The following GNAS-AS1 variants were observed in gnomAD, a reference collection of about 807,000 sequenced individuals.
The protein encoded by GNAS-AS1 is GNAS antisense RNA 1 (non-protein coding).
chr20:58,823,785 G>T (rs531325963), intron 4 of GNAS-AS1, among the ~76,000 whole-genome samples: 1 of 152,226 alleles, frequency 6.6e-6, no homozygotes, highest in African/African-American at 2.4e-5. Context: ...CTTGGGAGTC[G>T]TGAAAGGGGG....
chr20:58,840,180 G>A lies in GNAS-AS1; in HGVS notation n.819+1757C>T. 6.2e-7 allele frequency: 1 copy of A among 1,611,468 alleles called. No individual in the cohort carries two copies. ...TACAACGACCTGTGCCCGCCCATAG[G>A]CCGCCGGGCAGCCACCGCGCTCCTC... On this transcript the variant is annotated intron_variant and non_coding_transcript_variant, in intron 4 of 4. Transcript: ENST00000424094. The surrounding 1 kb of genome is among the most constrained non-coding windows in gnomAD (Gnocchi z 6.0).
At position 58,841,796 on chromosome 20, in the gene GNAS-AS1, T is replaced by C. The variant is rs1312039682; in HGVS notation, n.819+141A>G. The C allele has an allele frequency of 2.4e-6, 3 of 1,230,784 alleles. No homozygotes were observed. The highest frequency in any genetic ancestry group is 2.0e-6 in the Non-Finnish European group (2 of 987,886). 76.2% of individuals were successfully genotyped at this position (1,230,784 alleles called of 1,614,324 possible). ...GGCGCAGCTGGTCGGGTGGCCAGGC[T>C]GCATGCGGCTTAGCAGGAGACGTCC... On this transcript the variant is annotated intron_variant and non_coding_transcript_variant, in intron 4 of 4. Transcript: ENST00000424094. This position sits in a 1 kb window ranked among gnomAD's most constrained non-coding sequence, Gnocchi z 5.0.
exon 4 of GNAS-AS1, chr20:58,842,015 C>G: frequency 1.2e-6 from 1 of 817,654 alleles, no homozygotes. Flanking sequence ...GACGATCAGT[C>G]GTCGAAAAGG....
intron 4 of GNAS-AS1, among the ~76,000 whole-genome samples, chr20:58,827,239 C>T (rs1017448217): frequency 6.6e-6 from 1 of 152,140 alleles, no homozygotes; most frequent in African/African-American, 2.4e-5. Context: ...CTCAGAAACC[C>T]AGCCCCACAA....
chr20:58,833,208 G>A (rs1364058248), intron 4 of GNAS-AS1, among the ~76,000 whole-genome samples: 1 of 152,184 alleles, frequency 6.6e-6, no homozygotes, highest in Admixed American at 6.5e-5. Flanking sequence ...AACCAAATCT[G>A]CCATTTGGAA....
intron 2 of GNAS-AS1, among the ~76,000 whole-genome samples, chr20:58,846,643 CAAAGACCGGCAGCCAGCA>C (rs1380162611): frequency 6.6e-6 from 1 of 152,204 alleles, no homozygotes; most frequent in East Asian, 1.9e-4. Flanking sequence ...GGGCACAGGC[CAAAGACCGGCAGCCAGCA>C]GAAGACCACG....
intron 4 of GNAS-AS1, among the ~76,000 whole-genome samples, chr20:58,837,211 TTC>T (rs2085609506): frequency 6.6e-6 from 1 of 152,232 alleles, no homozygotes; most frequent in African/African-American, 2.4e-5. Context: ...AATAATATAT[TTC>T]TGTTCCATAT....
At chr20:58,839,219 C>G in intron 4 of GNAS-AS1, 2 of 398,546 alleles carry the variant, frequency 5.0e-6, no homozygotes, top group Non-Finnish European at 8.8e-6. Flanking sequence ...TGTTTGAGCA[C>G]GTATTGTTTG....
chr20:58,836,013 T>C (rs1443561314), intron 4 of GNAS-AS1, among the ~76,000 whole-genome samples: 1 of 152,122 alleles, frequency 6.6e-6, no homozygotes, highest in Non-Finnish European at 1.5e-5. Context: ...CCAACACTCC[T>C]TCCTGTCACT....
At chr20:58,823,446 G>A (rs977970876) in intron 4 of GNAS-AS1, among the ~76,000 whole-genome samples, 9 of 152,238 alleles carry the variant, frequency 5.9e-5, no homozygotes, top group Non-Finnish European at 1.3e-4. Context: ...TGGAGAGGCA[G>A]GTCAAGGTGT....
chr20:58,836,384 A>G (rs2085603327), intron 4 of GNAS-AS1: 1 of 152,240 alleles, frequency 6.6e-6, no homozygotes, highest in Admixed American at 6.5e-5. Flanking sequence ...GCCATATATA[A>G]TAAATCTTAA....
chr20:58,849,019 C>T (rs946857987), intron 1 of GNAS-AS1: 1 of 396,628 alleles, frequency 2.5e-6, no homozygotes, highest in Non-Finnish European at 4.4e-6. Flanking sequence ...AAGGCAATTC[C>T]TATTTAAATC....
intron 4 of GNAS-AS1, among the ~76,000 whole-genome samples, chr20:58,830,237 TCAC>T (rs1455432478): frequency 3.6e-4 from 28 of 77,746 alleles, no homozygotes; most frequent in Middle Eastern, 0.012. Flanking sequence ...ATCACCACAA[TCAC>T]CACCACCACC....
In GNAS-AS1 at chr20:58,830,408, C is replaced by A. The variant is rs561282039; in HGVS notation, n.820-11153G>T. On this transcript the variant is annotated intron_variant and non_coding_transcript_variant, in intron 4 of 4. Coordinates refer to ENST00000424094, the Ensembl canonical transcript of GNAS-AS1. ...AATCACCACCACCATCACTGCCACA[C>A]CACCATCACCACCACCGCCACACCA... Among the ~76,000 whole-genome samples the A allele has an allele frequency of 8.4e-5, 11 of 130,412 alleles. 1 individual carries two copies. In the South Asian group the frequency reaches 2.5e-3, roughly 30 times the overall value. The allele number at this position is 130,412 out of a possible 152,430, so 85.6% of individuals were successfully genotyped here. A position where few individuals can be genotyped will look rare whatever the true frequency, so the allele number is the denominator to read the frequency against.
At chr20:58,835,093 G>A (rs1417122342) in intron 4 of GNAS-AS1, among the ~76,000 whole-genome samples, 1 of 151,806 alleles carries the variant, frequency 6.6e-6, no homozygotes, top group South Asian at 2.1e-4. Context: ...CTGGGGAACA[G>A]GCGGGAGGGG....
intron 4 of GNAS-AS1, among the ~76,000 whole-genome samples, chr20:58,828,320 AAT>A (rs1368705910): frequency 6.6e-6 from 1 of 152,266 alleles, no homozygotes; most frequent in Non-Finnish European, 1.5e-5. Flanking sequence ...TCAAGAAAAG[AAT>A]GTGAAGCTGT....
intron 4 of GNAS-AS1, among the ~76,000 whole-genome samples, chr20:58,821,667 C>T (rs1394660063): frequency 6.6e-6 from 1 of 152,158 alleles, no homozygotes; most frequent in Admixed American, 6.5e-5. Context: ...CAGGAGGAGA[C>T]TCACACTTCT....
chr20:58,837,074 C>T (rs1055474492), intron 4 of GNAS-AS1, among the ~76,000 whole-genome samples: 5 of 152,092 alleles, frequency 3.3e-5, no homozygotes, highest in African/African-American at 1.2e-4. Flanking sequence ...GAAGTACTTT[C>T]TTATGTACAC....
intron 4 of GNAS-AS1, among the ~76,000 whole-genome samples, chr20:58,828,994 C>T (rs1009596105): frequency 2.7e-5 from 4 of 148,196 alleles, no homozygotes; most frequent in Admixed American, 6.7e-5. Flanking sequence ...CTCCTGGCCC[C>T]ACTGCCCCAC....
Sources: allele counts gnomAD v4.1 joint callset (sites outside exome capture counted in the v4.1 genomes callset), GRCh38; gene constraint gnomAD v4.1.1; non-coding constraint Gnocchi (gnomAD v3.1); transcripts MANE v1.5; gene names NCBI Gene and HGNC (gene_info 2026-07-23, HGNC 2026-07-21).